SYNE1: variants seen among roughly 807,000 people sequenced by gnomAD.
SYNE1 encodes spectrin repeat containing nuclear envelope protein 1, also known as nesprin-1.
Under a neutral mutation model 1,111.0 loss-of-function variants are expected in SYNE1, and 616 were observed. The ratio of observed to expected loss-of-function variants is 0.55; its 90% CI spans 0.52 to 0.59. The LOEUF (loss-of-function observed/expected upper bound fraction) is 0.59, where lower values mean the gene tolerates loss of function less well. Ranked by LOEUF, SYNE1 falls within the 20% of genes least tolerant of loss-of-function variation. The probability of loss-of-function intolerance (pLI) is 0.00; values close to 1 mark genes in which losing one functional copy is unlikely to be tolerated. For missense variants in SYNE1, 10,006 were observed against 10,417.0 expected (o/e 0.96, Z 1.72); for synonymous variants, 3,855 against 3,825.8 (o/e 1.01, Z -0.28).
intron 131 of SYNE1, among the ~76,000 whole-genome samples, chr6:152,160,001 T>A (rs900758473): frequency 6.6e-6 from 1 of 152,038 alleles, no homozygotes; most frequent in South Asian, 2.1e-4. Flanking sequence ...AAATATACTA[T>A]GGTTATGTTT....
At chr6:152,289,962 G>A (rs1455217102) in intron 95 of SYNE1, among the ~76,000 whole-genome samples, 2 of 145,628 alleles carry the variant, frequency 1.4e-5, no homozygotes, top group Non-Finnish European at 3.0e-5. Context: ...ACAGTACCTG[G>A]TATTCCTGGG....
At chr6:152,496,248 A>G (rs1564452211) in intron 11 of SYNE1, among the ~76,000 whole-genome samples, 1 of 152,116 alleles carries the variant, frequency 6.6e-6, no homozygotes. Context: ...GCCTCGACTT[A>G]CTGCTGAAAA....
rs2051612400 is a variant in SYNE1, at chr6:152,122,450, G to A, written c.26380C>T (p.Pro8794Ser). The A allele has an allele frequency of 1.9e-6, 3 of 1,614,044 alleles. No homozygotes were observed. The highest frequency in any genetic ancestry group is 1.7e-5 in the Admixed American group (1 of 60,008). ...ATCTGCTTAGTTCAGAGTGGAGGAG[G>A]GCCATTCGTGTATCTGAGCATGGGG... ...FHPMLRYTNG[P>S]PPL is the part of the protein sequence containing the mutation. The change falls in exon 146 of 146, where the codon CCT becomes TCT. Residue 8794 changes from proline (P) to serine (S), a missense_variant. By Grantham distance (74) the Pro-to-Ser change is moderately conservative (BLOSUM62 -1). Around this residue, in one of 7 missense-constraint regions of SYNE1, gnomAD observed 761 missense variants for 795.5 expected, o/e 0.96. Transcript: ENST00000367255.
chr6:152,321,726 G>A lies in SYNE1; in HGVS notation c.16078C>T (p.Leu5360Phe), dbSNP rs780563237. The A allele has an allele frequency of 6.2e-7, 1 of 1,613,990 alleles. No homozygotes were observed. The highest frequency in any genetic ancestry group is 8.5e-7 in the Non-Finnish European group (1 of 1,179,926). Residue 5360 changes from leucine to phenylalanine, a missense_variant, in exon 83 of 146, where the codon CTT becomes TTT. Physicochemically the swap from Leu to Phe is conservative, Grantham distance 22 (BLOSUM62 0). This residue lies in a region of SYNE1 where 4,955 missense variants were observed against 5,017.2 expected (regional missense o/e 0.99). Coordinates refer to ENST00000367255, the MANE Select transcript of SYNE1 (RefSeq NM_182961.4). ...ATGAGGAGACTTTTTTGTACCTGAAGTTCTTCAAGTTGAGCATCTATTTCT... is the reference window on the plus strand; with the variant it reads ...ATGAGGAGACTTTTTTGTACCTGAAATTCTTCAAGTTGAGCATCTATTTCT... The part of the protein sequence containing the change: ...TIEIDAQLEE[L>F]QILLTEATNH...
intron 4 of SYNE1, among the ~76,000 whole-genome samples, chr6:152,527,119 G>A (rs890955294): frequency 6.6e-6 from 1 of 152,040 alleles, no homozygotes; most frequent in African/African-American, 2.4e-5. Flanking sequence ...TCTTGTTAAA[G>A]GCCTAATGCT....
chr6:152,374,372 T>A (rs2097243099), intron 58 of SYNE1, among the ~76,000 whole-genome samples: 1 of 152,212 alleles, frequency 6.6e-6, no homozygotes, highest in Admixed American at 6.5e-5. Context: ...TGTCATAGAT[T>A]TTGATTAAAG....
rs975036904 is a variant in SYNE1, at chr6:152,196,038, C to T, written c.23145+5786G>A. ...CCTTCCCTGTCCCAGGCTGAGGAGT[C>T]GCTCCCCAGGTCCACTGCCACAACA... On this transcript the variant is annotated intron_variant, in intron 127 of 145. Transcript: ENST00000367255. Among the ~76,000 whole-genome samples, 12 of 152,208 alleles carry T rather than the reference C, an allele frequency of 7.9e-5. No homozygotes were observed. In the South Asian group the frequency reaches 8.3e-4, roughly 11 times the overall value.
chr6:152,553,983 T>G (rs1028199105), intron 3 of SYNE1, among the ~76,000 whole-genome samples: 1 of 152,002 alleles, frequency 6.6e-6, no homozygotes, highest in Non-Finnish European at 1.5e-5. Flanking sequence ...TATTGGCCAG[T>G]TGCTGGATAT....
intron 10 of SYNE1, among the ~76,000 whole-genome samples, chr6:152,500,024 G>A (rs897966113): frequency 3.9e-5 from 6 of 152,044 alleles, no homozygotes; most frequent in African/African-American, 1.4e-4. Flanking sequence ...ATCTCCTTTT[G>A]TTTTTTTAGA....
intron 3 of SYNE1, among the ~76,000 whole-genome samples, chr6:152,586,800 A>G (rs1190372306): frequency 6.6e-6 from 1 of 152,166 alleles, no homozygotes; most frequent in Non-Finnish European, 1.5e-5. Flanking sequence ...TTATATTAAT[A>G]TAATTCATAA....
rs78724650 is a variant in SYNE1, at chr6:152,592,602, G to A, written c.67+35663C>T. 3.4e-3 allele frequency among the ~76,000 whole-genome samples: 524 copies of A among 152,246 alleles called. 2 individuals carry two copies. Among genetic ancestry groups the A allele is most frequent in the African/African-American group, 0.012 (511 of 41,534 alleles). The stretch of plus-strand genomic sequence containing the variant: ...GGAAGTGAGTTAAAAAACTGTCCAT[G>A]GGGTACTATGTTCACTGCCAGGGTG... On this transcript the variant is annotated intron_variant, in intron 3 of 145. Transcript: ENST00000367255.
At chr6:152,274,484 C>T (rs187586545) in intron 98 of SYNE1, among the ~76,000 whole-genome samples, 187 of 151,498 alleles carry the variant, frequency 1.2e-3, no homozygotes, top group Non-Finnish European at 2.2e-3. Context: ...TTACTCATTC[C>T]TCCCTGTCTA....
chr6:152,588,378 T>C (rs990444193), intron 3 of SYNE1, among the ~76,000 whole-genome samples: 1 of 152,178 alleles, frequency 6.6e-6, no homozygotes, highest in Non-Finnish European at 1.5e-5. Context: ...ATTTTCAAGA[T>C]TGAAATGATC....
chr6:152,542,079 T>C (rs574477249), intron 3 of SYNE1, among the ~76,000 whole-genome samples: 2 of 152,294 alleles, frequency 1.3e-5, no homozygotes, highest in East Asian at 3.9e-4. Context: ...AACGCTATGT[T>C]GTGGGGGACA....
At chr6:152,303,832 A>C (rs12530184) in intron 91 of SYNE1, among the ~76,000 whole-genome samples, 31,190 of 152,028 alleles carry the variant, frequency 0.21, 3,411 homozygotes, top group South Asian at 0.3. Context: ...TCCATCCATG[A>C]TTGGTTGAAT....
At chr6:152,332,510 T>C (rs899297600) in intron 77 of SYNE1, among the ~76,000 whole-genome samples, 5 of 152,222 alleles carry the variant, frequency 3.3e-5, no homozygotes, top group Non-Finnish European at 5.9e-5. Context: ...AGAATCTATA[T>C]GGTAACAGGA....
At chr6:152,125,411 G>T in intron 145 of SYNE1, 2 of 1,506,458 alleles carry the variant, frequency 1.3e-6, no homozygotes, top group South Asian at 2.5e-5. Flanking sequence ...TGGACGTGGG[G>T]ACATTTTGTT....
At chr6:152,157,152 A>G (rs893518379) in intron 131 of SYNE1, among the ~76,000 whole-genome samples, 1 of 152,176 alleles carries the variant, frequency 6.6e-6, no homozygotes, top group Non-Finnish European at 1.5e-5. Flanking sequence ...TTAAACAGTT[A>G]ATTCCACCAT....
intron 3 of SYNE1, among the ~76,000 whole-genome samples, chr6:152,627,331 T>C (rs2695246): frequency 0.68 from 102,818 of 151,984 alleles, 34,871 homozygotes; most frequent in Non-Finnish European, 0.71. Context: ...GTTTCTATAG[T>C]ATTTCCCTGT....
Sources: gnomAD v4.1 joint callset for allele counts (sites outside exome capture counted in the v4.1 genomes callset) on GRCh38, gnomAD v4.1.1 for gene constraint, gnomAD v4.1.1 regional missense constraint, MANE v1.5 for transcripts, NCBI Gene and HGNC (gene_info 2026-07-23, HGNC 2026-07-21) for gene names.